The following WRN variants were observed in gnomAD, a reference collection of about 807,000 sequenced individuals.
WRN encodes bifunctional 3'-5' exonuclease/ATP-dependent helicase WRN.
Under a neutral mutation model 180.7 loss-of-function variants are expected in WRN, and 149 were observed. That is an observed-to-expected ratio of 0.82 (90% CI 0.72 to 0.94). The LOEUF is 0.94. WRN is among the 40% of genes least tolerant of loss of function. The pLI is 0.00. For missense variants in WRN, 1,661 were observed against 1,700.1 expected (o/e 0.98, Z 0.40); for synonymous variants, 548 against 568.9 (o/e 0.96, Z 0.52).
In WRN at chr8:31,173,570, G is replaced by A. The variant is rs373416825; in HGVS notation, c.*468G>A. The A allele has an allele frequency of 6.7e-5, 12 of 180,440 alleles. No homozygotes were observed. Among genetic ancestry groups the A allele is most frequent in the East Asian group, 5.1e-4 (5 of 9,868 alleles). 11.2% of individuals were successfully genotyped at this position (180,440 alleles called of 1,614,324 possible). ...GTCTTTTGAAGAAGTTCTTAAATACGTTGTTAAATGGTATTAGTTGACCAG... is the reference window on the plus strand; with the variant it reads ...GTCTTTTGAAGAAGTTCTTAAATACATTGTTAAATGGTATTAGTTGACCAG... On this transcript the variant is annotated 3_prime_UTR_variant, in exon 35 of 35. Coordinates refer to ENST00000298139, the MANE Select transcript of WRN (RefSeq NM_000553.6).
intron 1 of WRN, among the ~76,000 whole-genome samples, chr8:31,036,681 A>C (rs1427334987): frequency 6.6e-6 from 1 of 152,140 alleles, no homozygotes; most frequent in African/African-American, 2.4e-5. Flanking sequence ...TCTTTTGCTC[A>C]TTTTTTAAAT....
chr8:31,063,228 A>G (rs1812559105), intron 3 of WRN, among the ~76,000 whole-genome samples: 2 of 152,210 alleles, frequency 1.3e-5, no homozygotes, highest in African/African-American at 4.8e-5. Flanking sequence ...AAATGCTAAC[A>G]AACTGTGTAC....
chr8:31,130,562 CT>C (rs1278540147), intron 23 of WRN, among the ~76,000 whole-genome samples: 2 of 149,782 alleles, frequency 1.3e-5, no homozygotes, highest in Admixed American at 1.3e-4. Context: ...GGTTTATAAT[CT>C]TTTTGTCATA....
chr8:31,105,535 T>C (rs2553259), intron 18 of WRN, among the ~76,000 whole-genome samples: 149,926 of 152,276 alleles, frequency 0.98, 73,863 homozygotes, highest in East Asian at 1. Context: ...GAACTCACCT[T>C]ACTGCAACCT....
chr8:31,155,562 C>T (rs1414082442), intron 32 of WRN, among the ~76,000 whole-genome samples: 1 of 145,242 alleles, frequency 6.9e-6, no homozygotes, highest in African/African-American at 2.6e-5. Flanking sequence ...GCAGAGGTTG[C>T]AGTGAGCTGA....
At chr8:31,156,470 C>T (rs937201598) in intron 32 of WRN, among the ~76,000 whole-genome samples, 2 of 152,160 alleles carry the variant, frequency 1.3e-5, no homozygotes, top group African/African-American at 4.8e-5. Flanking sequence ...AACCTGGTTT[C>T]AAATAACCCT....
At chr8:31,124,687 A>C in intron 22 of WRN, 64 bp downstream of exon 22, 4 of 1,455,944 alleles carry the variant, frequency 2.7e-6, no homozygotes, top group Non-Finnish European at 2.9e-6. Flanking sequence ...TAAGACAACA[A>C]TTTGGCTAAA....
chr8:31,167,168 G>T lies in WRN; in HGVS notation c.4129G>T (p.Gly1377Cys), dbSNP rs760127655. 6.2e-7 allele frequency: 1 copy of T among 1,613,102 alleles called. No individual in the cohort carries two copies. ...CDVNKRRCFP[G>C]SEEICSSSKR... The stretch of plus-strand genomic sequence containing the variant: ...TGTCAACAAAAGGAGATGTTTTCCC[G>T]GTTCTGAAGAGATCTGTTCAAGTTC... The change falls in exon 34 of 35, where the codon GGT (glycine) becomes TGT (cysteine). Residue 1377 changes from glycine to cysteine, a missense_variant. This residue lies in a region of WRN where 1,141 missense variants were observed against 1,149.4 expected (regional missense o/e 0.99). Transcript: ENST00000298139.
intron 33 of WRN, among the ~76,000 whole-genome samples, chr8:31,159,432 T>C (rs1161056573): frequency 1.3e-5 from 2 of 152,150 alleles, no homozygotes; most frequent in Non-Finnish European, 2.9e-5. Flanking sequence ...GCTCACTATC[T>C]GGGTGATGGG....
chr8:31,064,781 C>G, intron 4 of WRN, 134 bp from the exon 5 acceptor site: 1 of 1,092,462 alleles, frequency 9.2e-7, no homozygotes, highest in Non-Finnish European at 1.3e-6. Context: ...AAGAAATACT[C>G]AAGGTCAATG....
intron 5 of WRN, among the ~76,000 whole-genome samples, chr8:31,066,447 A>G (rs987294720): frequency 1.3e-5 from 2 of 152,040 alleles, no homozygotes; most frequent in African/African-American, 4.8e-5. Flanking sequence ...CGGTCTCCCA[A>G]AGTGCTGGGA....
At chr8:31,148,087 A>G (rs1298217344) in intron 30 of WRN, among the ~76,000 whole-genome samples, 1 of 152,018 alleles carries the variant, frequency 6.6e-6, no homozygotes. Flanking sequence ...GGGTTTTGCC[A>G]TATTGCCTAG....
chr8:31,063,933 G>A (rs1048509230), intron 3 of WRN, among the ~76,000 whole-genome samples: 3 of 151,966 alleles, frequency 2.0e-5, no homozygotes, highest in Admixed American at 6.6e-5. Flanking sequence ...TGTTGCACAG[G>A]TTGGTCTTAA....
chr8:31,160,938 A>C (rs142378457), intron 33 of WRN, among the ~76,000 whole-genome samples: 217 of 152,066 alleles, frequency 1.4e-3, no homozygotes, highest in African/African-American at 4.9e-3. Flanking sequence ...TGGTGAGCCA[A>C]GATTGTGTCA....
chr8:31,089,725 T>C (rs1247382129), intron 13 of WRN, among the ~76,000 whole-genome samples: 2 of 151,996 alleles, frequency 1.3e-5, no homozygotes, highest in African/African-American at 4.8e-5. Context: ...TTTCCCATGA[T>C]ATTTTATTAA....
intron 1 of WRN, among the ~76,000 whole-genome samples, chr8:31,048,160 A>G (rs1229875781): frequency 6.6e-6 from 1 of 152,218 alleles, no homozygotes; most frequent in Admixed American, 6.5e-5. Flanking sequence ...TCATCCTACT[A>G]CTTTTAAAAA....
rs117981209 is a variant in WRN, at chr8:31,139,894, A to G, written c.2968-1536A>G. ...CCCAGATTCTGCAGTGGAAGAATTC[A>G]TAGTGGATGGAAGTTAGAATGACCC... On this transcript the variant is annotated intron_variant, in intron 24 of 34. Coordinates refer to ENST00000298139, the MANE Select transcript of WRN (RefSeq NM_000553.6). Among the ~76,000 whole-genome samples, 734 of 151,974 alleles carry G rather than the reference A, an allele frequency of 4.8e-3. 3 individuals are homozygous for G. The highest frequency in any genetic ancestry group is 7.9e-3 in the Non-Finnish European group (539 of 67,984).
intron 1 of WRN, among the ~76,000 whole-genome samples, chr8:31,053,030 A>G (rs1472465520): frequency 6.6e-6 from 1 of 152,192 alleles, no homozygotes; most frequent in African/African-American, 2.4e-5. Flanking sequence ...TAGACACAAC[A>G]CTAATCCAGA....
intron 30 of WRN, among the ~76,000 whole-genome samples, chr8:31,149,685 G>C (rs1486663765): frequency 6.6e-6 from 1 of 151,816 alleles, no homozygotes; most frequent in Non-Finnish European, 1.5e-5. Context: ...GTGTTGTCCA[G>C]GCTGGTGTTG....
Sources: allele counts gnomAD v4.1 joint callset (sites outside exome capture counted in the v4.1 genomes callset), GRCh38; gene constraint gnomAD v4.1.1; regional missense constraint gnomAD v4.1.1; transcripts MANE v1.5; gene names NCBI Gene and HGNC (gene_info 2026-07-23, HGNC 2026-07-21).